The following POLR1D variants were observed in gnomAD, a reference collection of about 807,000 sequenced individuals.
POLR1D encodes RNA polymerase I and III subunit D.
POLR1D carries 8 observed loss-of-function variants against 10.8 expected under a neutral mutation model. The observed-to-expected ratio is 0.74, with a 90% CI of 0.43 to 1.33. The LOEUF is 1.33. Among genes scored for constraint, POLR1D ranks in the 40% most tolerant of loss-of-function variants. The probability of loss-of-function intolerance (pLI) is 0.01; values close to 1 mark genes in which losing one functional copy is unlikely to be tolerated. For synonymous variants in POLR1D, 54 were observed against 57.2 expected, an observed-to-expected ratio of 0.94 and a Z score of 0.25; for missense variants, 152 against 161.7, an observed-to-expected ratio of 0.94 and a Z score of 0.32.
intron 2 of POLR1D, among the ~76,000 whole-genome samples, chr13:27,657,815 C>G (rs1956322840): frequency 6.6e-6 from 1 of 152,166 alleles, no homozygotes; most frequent in Admixed American, 6.5e-5. Flanking sequence ...CTGTGTTGCT[C>G]TGGAAGCAGG....
At chr13:27,655,075 G>T (rs1454626998) in intron 2 of POLR1D, among the ~76,000 whole-genome samples, 1 of 151,918 alleles carries the variant, frequency 6.6e-6, no homozygotes, top group East Asian at 1.9e-4. Flanking sequence ...ACTAGGAGGA[G>T]AAAAAAGGAG....
intron 1 of POLR1D, among the ~76,000 whole-genome samples, chr13:27,637,531 T>A (rs1232110033): frequency 1.3e-5 from 2 of 152,214 alleles, no homozygotes; most frequent in Non-Finnish European, 2.9e-5. Context: ...ACATTTTCCT[T>A]AAAGGGATGC....
intron 1 of POLR1D, among the ~76,000 whole-genome samples, chr13:27,638,669 C>G (rs1171385199): frequency 6.6e-6 from 1 of 152,168 alleles, no homozygotes; most frequent in East Asian, 1.9e-4. Flanking sequence ...AAGAAAATAG[C>G]TTCAGCAGGC....
intron 1 of POLR1D, among the ~76,000 whole-genome samples, chr13:27,640,610 C>G (rs574933375): frequency 1.3e-5 from 2 of 152,270 alleles, no homozygotes; most frequent in South Asian, 2.1e-4. Flanking sequence ...ACAGCTGCAC[C>G]TGGAAACTGA....
At chr13:27,641,559 A>G (rs1956173298) in intron 1 of POLR1D, among the ~76,000 whole-genome samples, 1 of 152,226 alleles carries the variant, frequency 6.6e-6, no homozygotes, top group African/African-American at 2.4e-5. Flanking sequence ...ATGGCTGAAA[A>G]TATTTTTTAT....
chr13:27,655,862 T>G (rs1371269892), intron 2 of POLR1D, among the ~76,000 whole-genome samples: 1 of 149,348 alleles, frequency 6.7e-6, no homozygotes, highest in African/African-American at 2.5e-5. Context: ...AGGAAGGGAG[T>G]GGAGAAGGAA....
At chr13:27,657,977 C>A (rs759667474) in intron 2 of POLR1D, among the ~76,000 whole-genome samples, 1 of 152,206 alleles carries the variant, frequency 6.6e-6, no homozygotes, top group African/African-American at 2.4e-5. Flanking sequence ...AGTGCTGGGA[C>A]AAAGGGCACC....
intron 2 of POLR1D, chr13:27,665,636 A>T: frequency 6.5e-7 from 1 of 1,545,890 alleles, no homozygotes; most frequent in Non-Finnish European, 8.9e-7. Flanking sequence ...CCAGCTTTGG[A>T]GTTAACCATT....
At chr13:27,666,443 T>C (rs1956419903) in exon 3 of POLR1D, 1 of 154,018 alleles carries the variant, frequency 6.5e-6, no homozygotes, top group South Asian at 2.0e-4. Flanking sequence ...AGCTCTTTGA[T>C]AGCTCTGCAT....
intron 1 of POLR1D, chr13:27,622,395 C>T (rs533054940): frequency 2.1e-4 from 68 of 327,174 alleles, no homozygotes; most frequent in African/African-American, 1.2e-3. Flanking sequence ...TCTTTTTCTC[C>T]CTGCTGCTTG....
At chr13:27,648,517 T>C in intron 2 of POLR1D, 1 of 1,015,830 alleles carries the variant, frequency 9.8e-7, no homozygotes, top group Non-Finnish European at 1.5e-6. Flanking sequence ...GATATAAATA[T>C]GTAAATCTTT....
chr13:27,629,538 T>G (rs1956052926), intron 1 of POLR1D, among the ~76,000 whole-genome samples: 1 of 152,222 alleles, frequency 6.6e-6, no homozygotes, highest in South Asian at 2.1e-4. Flanking sequence ...ACAAAAAATC[T>G]TAGTAGCCTG....
intron 1 of POLR1D, among the ~76,000 whole-genome samples, chr13:27,632,639 G>A (rs1321203070): frequency 1.7e-5 from 2 of 116,684 alleles, no homozygotes; most frequent in Non-Finnish European, 4.2e-5. Flanking sequence ...TAAAATTGCA[G>A]CACCCCCCGC....
chr13:27,623,457 G>A, downstream of POLR1D: 2 of 1,152,818 alleles, frequency 1.7e-6, no homozygotes, highest in Non-Finnish European at 1.1e-6. Flanking sequence ...AAACTAGTTT[G>A]ACTGGTTTCT....
At chr13:27,634,915 T>G (rs1014124696) in intron 1 of POLR1D, among the ~76,000 whole-genome samples, 1 of 152,084 alleles carries the variant, frequency 6.6e-6, no homozygotes, top group African/African-American at 2.4e-5. Context: ...GCTCAACCTA[T>G]CCACCTGCCT....
intron 1 of POLR1D, among the ~76,000 whole-genome samples, chr13:27,628,891 C>T (rs569605318): frequency 3.5e-4 from 53 of 152,316 alleles, no homozygotes; most frequent in African/African-American, 1.3e-3. Context: ...TCTCAACTCG[C>T]TGCAGCCTTG....
intron 1 of POLR1D, among the ~76,000 whole-genome samples, chr13:27,646,776 A>C (rs1014784526): frequency 6.6e-6 from 1 of 152,212 alleles, no homozygotes; most frequent in Non-Finnish European, 1.5e-5. Context: ...CAGATGAAAA[A>C]AGTTGAAATT....
rs534837323 is a variant in POLR1D, at chr13:27,641,238, G to A, written c.27-7141G>A. On this transcript the variant is annotated intron_variant, in intron 1 of 2. Transcript: ENST00000399697. ...CCTAAATTCACAATTCTCTCTTAGCGTTTGCTTGACAGCAATTGGGCCATA... is the reference window on the plus strand; with the variant it reads ...CCTAAATTCACAATTCTCTCTTAGCATTTGCTTGACAGCAATTGGGCCATA... Among the ~76,000 whole-genome samples, 26 of 152,230 alleles carry A rather than the reference G, an allele frequency of 1.7e-4. No homozygotes were observed. In the South Asian group the frequency reaches 3.5e-3, roughly 21 times the overall value.
At position 27,663,113 on chromosome 13, in the gene POLR1D, T is replaced by C. The variant is rs529922930; in HGVS notation, c.102-2573T>C. On this transcript the variant is annotated intron_variant, in intron 2 of 2. Transcript: ENST00000399697. This position sits in a 1 kb window ranked among gnomAD's most constrained non-coding sequence, Gnocchi z 4.1. ...ACATTGGTTTTGATGTTGCCGTCCT[T>C]AGACTTGGATCTATTCTGTGCAGAT... Among the ~76,000 whole-genome samples, 2 of 152,374 alleles carry C rather than the reference T, an allele frequency of 1.3e-5. No individual in the cohort carries two copies. Among genetic ancestry groups the C allele is most frequent in the South Asian group, 4.1e-4 (2 of 4,834 alleles).
Sources: gnomAD v4.1 joint callset for allele counts (sites outside exome capture counted in the v4.1 genomes callset) on GRCh38, gnomAD v4.1.1 for gene constraint, Gnocchi (gnomAD v3.1) non-coding constraint, MANE v1.5 for transcripts, NCBI Gene and HGNC (gene_info 2026-07-23, HGNC 2026-07-21) for gene names.